CLIC5: variants seen among roughly 807,000 people sequenced by gnomAD.
CLIC5 encodes the protein chloride intracellular channel protein 5.
Under a neutral mutation model 24.7 loss-of-function variants are expected in CLIC5, and 20 were observed. The observed-to-expected ratio is 0.81, with a 90% CI of 0.57 to 1.18. The LOEUF (loss-of-function observed/expected upper bound fraction) is 1.18. CLIC5 is among the 50% of genes most tolerant of loss of function. The pLI, the probability that CLIC5 is intolerant of heterozygous loss-of-function variation, is 0.00. For synonymous variants in CLIC5, 159 were observed against 135.6 expected (o/e 1.17, Z -1.20); for missense variants, 341 against 326.1 (o/e 1.05, Z -0.35).
intron 6 of CLIC5, among the ~76,000 whole-genome samples, chr6:45,887,076 A>G (rs1264506540): frequency 6.6e-6 from 1 of 152,196 alleles, no homozygotes; most frequent in African/African-American, 2.4e-5. Flanking sequence ...TACTTGGATG[A>G]CATTCCATTT....
At chr6:46,074,275 C>T (rs1365095867) in intron 1 of CLIC5, among the ~76,000 whole-genome samples, 2 of 151,998 alleles carry the variant, frequency 1.3e-5, no homozygotes, top group African/African-American at 4.8e-5. Flanking sequence ...TATTATTTTT[C>T]ATTCTAATTA....
chr6:46,102,573 T>A, the CLIC5 span: 11,817 of 152,596 alleles, frequency 0.077, 540 homozygotes, highest in East Asian at 0.15. Context: ...AGAACTTTTA[T>A]TTCTGATGCC....
upstream of CLIC5, among the ~76,000 whole-genome samples, chr6:46,017,966 T>C (rs1230295811): frequency 6.6e-6 from 1 of 152,214 alleles, no homozygotes; most frequent in Non-Finnish European, 1.5e-5. Context: ...ATCAAGGTGA[T>C]GTTTAATTGC....
chr6:45,985,390 A>G (rs1417264626), intron 1 of CLIC5, among the ~76,000 whole-genome samples: 2 of 152,212 alleles, frequency 1.3e-5, no homozygotes, highest in Non-Finnish European at 2.9e-5. Context: ...AGCAGGAAGT[A>G]TGTGTATTTG....
the CLIC5 span, among the ~76,000 whole-genome samples, chr6:46,119,326 T>C: frequency 6.6e-6 from 1 of 152,240 alleles, no homozygotes; most frequent in Non-Finnish European, 1.5e-5. Flanking sequence ...TCTTCTCCTT[T>C]TGGGACTCTT....
In CLIC5 at chr6:45,949,265, G is replaced by A. The variant is rs752011749; in HGVS notation, c.290C>T (p.Thr97Ile). The change falls in exon 3 of 6, where the codon ACC becomes ATC. Residue 97 changes from threonine to isoleucine, a missense_variant. Physicochemically the swap from Thr to Ile is moderately conservative, Grantham distance 89. Coordinates refer to ENST00000339561, the MANE Select transcript of CLIC5 (RefSeq NM_016929.5). ...AGAAACAGATCCTTACTTTTCAGGG[G>A]TCAAGGTCTCCTCCAGGAACTCCTC... Reference protein sequence around the residue: ...KIEEFLEETLTPEKYPKLAAK... With the variant: ...KIEEFLEETLIPEKYPKLAAK... 4 of 1,613,384 alleles carry A rather than the reference G, an allele frequency of 2.5e-6. No individual in the cohort carries two copies. The highest frequency in any genetic ancestry group is 3.3e-5 in the Admixed American group (2 of 59,972).
upstream of CLIC5, among the ~76,000 whole-genome samples, chr6:46,082,263 G>C (rs1253084861): frequency 6.6e-6 from 1 of 152,190 alleles, no homozygotes; most frequent in Non-Finnish European, 1.5e-5. Context: ...CAGGGCTGAG[G>C]TTGGCTAAGC....
At chr6:45,979,429 C>G (rs1322656483) in intron 1 of CLIC5, among the ~76,000 whole-genome samples, 2 of 152,158 alleles carry the variant, frequency 1.3e-5, no homozygotes, top group Non-Finnish European at 1.5e-5. Flanking sequence ...AACTCAAAAC[C>G]TTAAAGCAGC....
intron 1 of CLIC5, among the ~76,000 whole-genome samples, chr6:45,967,151 G>A (rs577665561): frequency 6.6e-5 from 10 of 152,320 alleles, no homozygotes; most frequent in East Asian, 5.8e-4. Context: ...TCTTGGCTGC[G>A]TGGAGTACCA....
intron 3 of CLIC5, among the ~76,000 whole-genome samples, chr6:45,943,626 C>T (rs898454661): frequency 6.6e-6 from 1 of 152,218 alleles, no homozygotes; most frequent in African/African-American, 2.4e-5. Context: ...CTAGAAAATG[C>T]ACCTCAGTGG....
chr6:45,982,530 T>C (rs2127415401), intron 1 of CLIC5, among the ~76,000 whole-genome samples: 1 of 152,196 alleles, frequency 6.6e-6, no homozygotes, highest in Admixed American at 6.5e-5. Flanking sequence ...AGTCTATTGT[T>C]CCTAGGCTAT....
intron 1 of CLIC5, among the ~76,000 whole-genome samples, chr6:45,990,053 T>A (rs1478742761): frequency 6.6e-6 from 1 of 152,222 alleles, no homozygotes; most frequent in Non-Finnish European, 1.5e-5. Flanking sequence ...GGGGAAGACA[T>A]GGAGTTTCTC....
At chr6:46,103,890 A>C in the CLIC5 span, among the ~76,000 whole-genome samples, 1 of 152,176 alleles carries the variant, frequency 6.6e-6, no homozygotes, top group Non-Finnish European at 1.5e-5. Context: ...CAGAAGGGTA[A>C]GAGATTCTTA....
intron 1 of CLIC5, among the ~76,000 whole-genome samples, chr6:45,996,091 C>G (rs574484451): frequency 4.0e-5 from 6 of 150,816 alleles, no homozygotes; most frequent in Non-Finnish European, 7.4e-5. Flanking sequence ...TGTAACAAAC[C>G]TGCACATCCT....
chr6:46,019,978 A>G (rs1767130639), upstream of CLIC5, among the ~76,000 whole-genome samples: 3 of 152,174 alleles, frequency 2.0e-5, no homozygotes, highest in South Asian at 4.1e-4. Context: ...ATAGTTAGAG[A>G]CTTCAGTTCT....
chr6:45,957,510 A>G (rs1764684574), intron 1 of CLIC5, among the ~76,000 whole-genome samples: 1 of 152,088 alleles, frequency 6.6e-6, no homozygotes, highest in Non-Finnish European at 1.5e-5. Context: ...CCAGCCAGGT[A>G]ACAGGTCCTC....
intron 1 of CLIC5, among the ~76,000 whole-genome samples, chr6:45,956,965 A>G (rs1016319500): frequency 6.6e-5 from 10 of 152,188 alleles, no homozygotes; most frequent in Non-Finnish European, 1.3e-4. Context: ...TGCTAACTTG[A>G]GTTTATGATG....
At chr6:45,926,211 A>G (rs1763479264) in intron 4 of CLIC5, among the ~76,000 whole-genome samples, 1 of 140,470 alleles carries the variant, frequency 7.1e-6, no homozygotes, top group Non-Finnish European at 1.5e-5. Flanking sequence ...ACACACACAC[A>G]TATATACATA....
chr6:45,969,217 T>C (rs866322204), intron 1 of CLIC5, among the ~76,000 whole-genome samples: 37 of 152,276 alleles, frequency 2.4e-4, no homozygotes, highest in African/African-American at 8.9e-4. Context: ...AGCATTCTAT[T>C]CTGAAAACAC....
Sources: allele counts gnomAD v4.1 joint callset (sites outside exome capture counted in the v4.1 genomes callset), GRCh38; gene constraint gnomAD v4.1.1; transcripts MANE v1.5; gene names NCBI Gene and HGNC (gene_info 2026-07-23, HGNC 2026-07-21).